The following AGMO variants were observed in gnomAD, a reference collection of about 807,000 sequenced individuals.
The protein encoded by AGMO is glyceryl-ether monooxygenase.
AGMO carries 75 observed loss-of-function variants against 60.2 expected under a neutral mutation model. The observed-to-expected ratio is 1.25, with a 90% CI of 1.03 to 1.51. AGMO has a LOEUF of 1.51. Among genes scored for constraint, AGMO ranks in the 40% most tolerant of loss-of-function variants. AGMO has a pLI of 0.00. For synonymous variants in AGMO, 261 were observed against 177.1 expected (o/e 1.47, Z -3.76); for missense variants, 763 against 525.5 (o/e 1.45, Z -4.42).
intron 3 of AGMO, among the ~76,000 whole-genome samples, chr7:15,521,676 T>C (rs1049699598): frequency 6.6e-6 from 1 of 152,092 alleles, no homozygotes; most frequent in Non-Finnish European, 1.5e-5. Flanking sequence ...CTCAATAAAC[T>C]AGGTATTGAT....
chr7:15,551,094 A>G (rs1784945772), intron 2 of AGMO, among the ~76,000 whole-genome samples: 1 of 152,106 alleles, frequency 6.6e-6, no homozygotes, highest in South Asian at 2.1e-4. Flanking sequence ...AGATGCAGGA[A>G]AAGCCTTTGA....
the AGMO span, among the ~76,000 whole-genome samples, chr7:15,176,326 T>C: frequency 1.3e-5 from 2 of 151,856 alleles, no homozygotes; most frequent in Non-Finnish European, 2.9e-5. Flanking sequence ...ATGTTCAAGT[T>C]TCCGATCTAC....
rs199670434 is a variant in AGMO, at chr7:15,201,382, GA to G, written c.1264-24del. ...AATCTGAAGAAATAAAACACAAAGAGAAAAAAAAATTAGAAGTGAATCAATA... is the reference window on the plus strand; with the variant it reads ...AATCTGAAGAAATAAAACACAAAGAGAAAAAAAATTAGAAGTGAATCAATA... On this transcript the variant is annotated intron_variant, in intron 12 of 12. Transcript: ENST00000342526. 107 of 1,547,426 alleles carry G rather than the reference GA, an allele frequency of 6.9e-5. 1 individual carries two copies. Among genetic ancestry groups the G allele is most frequent in the South Asian group, 2.2e-4 (19 of 86,092 alleles).
At chr7:15,523,159 G>C (rs1253834860) in intron 3 of AGMO, among the ~76,000 whole-genome samples, 2 of 152,172 alleles carry the variant, frequency 1.3e-5, no homozygotes, top group Admixed American at 6.5e-5. Context: ...TCTCACACCA[G>C]TTAGAATGGC....
chr7:15,479,032 C>G (rs1782675870), intron 3 of AGMO, among the ~76,000 whole-genome samples: 1 of 152,108 alleles, frequency 6.6e-6, no homozygotes, highest in African/African-American at 2.4e-5. Flanking sequence ...GGTGATACAG[C>G]TCTGACATTC....
At chr7:15,262,114 T>C (rs1221980477) in intron 12 of AGMO, among the ~76,000 whole-genome samples, 1 of 152,028 alleles carries the variant, frequency 6.6e-6, no homozygotes, top group African/African-American at 2.4e-5. Flanking sequence ...TTGAACATAG[T>C]ACTGGAAGCC....
At chr7:15,502,545 G>C (rs1347825379) in intron 3 of AGMO, among the ~76,000 whole-genome samples, 1 of 151,720 alleles carries the variant, frequency 6.6e-6, no homozygotes, top group African/African-American at 2.4e-5. Context: ...ATCCTGTGTT[G>C]GCTCCTCATA....
At chr7:15,370,783 A>T (rs114494263) in intron 10 of AGMO, among the ~76,000 whole-genome samples, 1 of 151,970 alleles carries the variant, frequency 6.6e-6, no homozygotes, top group African/African-American at 2.4e-5. Context: ...TAGATTTTGC[A>T]TATTAGTCCT....
intron 3 of AGMO, among the ~76,000 whole-genome samples, chr7:15,541,327 G>A (rs2115273565): frequency 6.6e-6 from 1 of 152,130 alleles, no homozygotes; most frequent in African/African-American, 2.4e-5. Context: ...TCACCATGTT[G>A]GTCAGGCTGG....
At chr7:15,136,684 T>A in the AGMO span, among the ~76,000 whole-genome samples, 2 of 152,172 alleles carry the variant, frequency 1.3e-5, no homozygotes, top group African/African-American at 4.8e-5. Flanking sequence ...ATGCCACATT[T>A]TTTTTTGCTG....
At chr7:15,301,609 A>C (rs924500194) in intron 12 of AGMO, among the ~76,000 whole-genome samples, 6 of 152,204 alleles carry the variant, frequency 3.9e-5, no homozygotes, top group Admixed American at 6.5e-5. Context: ...ATATGTAAGC[A>C]AAAGCATAGG....
At chr7:15,429,580 A>C (rs1781169465) in intron 4 of AGMO, among the ~76,000 whole-genome samples, 1 of 151,950 alleles carries the variant, frequency 6.6e-6, no homozygotes, top group Admixed American at 6.6e-5. Context: ...TTTAAGCTAC[A>C]CAGTTAGTAG....
chr7:15,380,303 T>G (rs10261554), intron 10 of AGMO, among the ~76,000 whole-genome samples: 62,828 of 151,944 alleles, frequency 0.41, 13,776 homozygotes, highest in African/African-American at 0.55. Context: ...GATAAACAAC[T>G]TCAGCAAAGT....
At chr7:15,376,085 C>T (rs60708265) in intron 10 of AGMO, among the ~76,000 whole-genome samples, 12,097 of 152,050 alleles carry the variant, frequency 0.08, 913 homozygotes, top group East Asian at 0.22. Context: ...TCTATGCTTA[C>T]TTGAAAGGTA....
chr7:15,341,374 C>A (rs1329364795), intron 12 of AGMO, among the ~76,000 whole-genome samples: 1 of 152,180 alleles, frequency 6.6e-6, no homozygotes. Flanking sequence ...CAAAATGCCA[C>A]CAGTCCTTTT....
intron 12 of AGMO, among the ~76,000 whole-genome samples, chr7:15,312,456 A>T (rs1357199074): frequency 6.6e-6 from 1 of 151,666 alleles, no homozygotes; most frequent in Non-Finnish European, 1.5e-5. Flanking sequence ...GGAGTCATGG[A>T]AATCACAGGA....
intron 12 of AGMO, among the ~76,000 whole-genome samples, chr7:15,259,765 A>C (rs1393497985): frequency 6.6e-6 from 1 of 151,974 alleles, no homozygotes; most frequent in Non-Finnish European, 1.5e-5. Context: ...AGTCTCCTTA[A>C]ACAAAACAGT....
chr7:15,429,733 T>C (rs1781174298), intron 4 of AGMO, among the ~76,000 whole-genome samples: 1 of 152,036 alleles, frequency 6.6e-6, no homozygotes, highest in Non-Finnish European at 1.5e-5. Flanking sequence ...GTTTTGCCTA[T>C]GCTGCTGTTT....
intron 12 of AGMO, among the ~76,000 whole-genome samples, chr7:15,347,956 T>C (rs557643125): frequency 1.3e-5 from 2 of 152,184 alleles, no homozygotes; most frequent in Non-Finnish European, 2.9e-5. Flanking sequence ...TGCTTATAAC[T>C]TTTCTTGACT....
Sources: gnomAD v4.1 joint callset for allele counts (sites outside exome capture counted in the v4.1 genomes callset) on GRCh38, gnomAD v4.1.1 for gene constraint, MANE v1.5 for transcripts, NCBI Gene and HGNC (gene_info 2026-07-23, HGNC 2026-07-21) for gene names.